Variants in EBF1 observed in about 807,000 individuals in gnomAD.
The protein encoded by EBF1 is transcription factor COE1.
In EBF1, 10 loss-of-function variants were observed where a neutral mutation model predicts 68.4. That is an observed-to-expected ratio of 0.15 (90% CI 0.09 to 0.25). The LOEUF (loss-of-function observed/expected upper bound fraction) is 0.25, where lower values mean the gene tolerates loss of function less well. Among genes scored for constraint, EBF1 ranks in the 10% least tolerant of loss-of-function variants. The pLI, the probability that EBF1 is intolerant of heterozygous loss-of-function variation, is 1.00. For synonymous variants in EBF1, 298 were observed against 299.8 expected (o/e 0.99, Z 0.06); for missense variants, 509 against 794.4 (o/e 0.64, Z 4.32).
intron 10 of EBF1, among the ~76,000 whole-genome samples, chr5:158,755,175 T>G (rs568699201): frequency 9.6e-4 from 140 of 146,060 alleles, no homozygotes; most frequent in Non-Finnish European, 1.9e-3. Context: ...TATTGTTTTG[T>G]TTTTTTTTCA....
chr5:158,899,519 A>G (rs574223170), intron 6 of EBF1, among the ~76,000 whole-genome samples: 1 of 152,322 alleles, frequency 6.6e-6, no homozygotes, highest in South Asian at 2.1e-4. Context: ...TGTTTCTGCA[A>G]TGGAAAAAGA....
At chr5:158,899,102 C>T (rs182510330) in intron 6 of EBF1, among the ~76,000 whole-genome samples, 2 of 152,226 alleles carry the variant, frequency 1.3e-5, no homozygotes, top group East Asian at 1.9e-4. Context: ...TGAATAATTA[C>T]GTGAAAATGA....
At chr5:158,842,073 T>C (rs10052777) in intron 6 of EBF1, among the ~76,000 whole-genome samples, 57,763 of 152,088 alleles carry the variant, frequency 0.38, 11,166 homozygotes, top group South Asian at 0.58. Flanking sequence ...GCTCTCCTTT[T>C]CCGGTACCAA....
At chr5:158,934,487 C>T (rs1252779948) in intron 6 of EBF1, among the ~76,000 whole-genome samples, 1 of 152,192 alleles carries the variant, frequency 6.6e-6, no homozygotes, top group African/African-American at 2.4e-5. Flanking sequence ...TTGGGACTGA[C>T]CTTTTTCTTC....
At chr5:158,782,911 G>A (rs562622299) in intron 9 of EBF1, among the ~76,000 whole-genome samples, 4 of 151,630 alleles carry the variant, frequency 2.6e-5, no homozygotes, top group South Asian at 4.2e-4. Flanking sequence ...TGACTAGCTC[G>A]ACACTCAGAT....
intron 4 of EBF1, among the ~76,000 whole-genome samples, chr5:159,089,978 T>C (rs1352025063): frequency 6.6e-6 from 1 of 152,000 alleles, no homozygotes; most frequent in Admixed American, 6.6e-5. Context: ...ATCAAAACTG[T>C]ACCTTGAAAA....
intron 6 of EBF1, among the ~76,000 whole-genome samples, chr5:158,855,471 A>T (rs1215707323): frequency 6.6e-6 from 1 of 152,136 alleles, no homozygotes; most frequent in African/African-American, 2.4e-5. Flanking sequence ...CACCCCAGCC[A>T]TGGGGGCTAC....
chr5:158,773,271 G>A (rs950251314), intron 10 of EBF1, among the ~76,000 whole-genome samples: 2 of 152,170 alleles, frequency 1.3e-5, no homozygotes, highest in Admixed American at 1.3e-4. Flanking sequence ...GCAAAGCAAC[G>A]TGTTATGCAT....
chr5:159,010,873 T>C (rs1764525098), intron 6 of EBF1, among the ~76,000 whole-genome samples: 1 of 152,258 alleles, frequency 6.6e-6, no homozygotes, highest in South Asian at 2.1e-4. Flanking sequence ...GGGGAAATCA[T>C]AAACAGTGTT....
intron 6 of EBF1, among the ~76,000 whole-genome samples, chr5:159,006,181 T>C (rs1178451724): frequency 6.6e-6 from 1 of 152,128 alleles, no homozygotes; most frequent in African/African-American, 2.4e-5. Flanking sequence ...GGTTTCCCCA[T>C]CAAGAGAAAA....
chr5:158,871,759 G>A (rs904885377), intron 6 of EBF1, among the ~76,000 whole-genome samples: 3 of 152,168 alleles, frequency 2.0e-5, no homozygotes, highest in African/African-American at 2.4e-5. Context: ...GCTCAATGAC[G>A]CACAGTTCAT....
At chr5:159,051,491 C>T (rs942431750) in intron 6 of EBF1, among the ~76,000 whole-genome samples, 12 of 145,038 alleles carry the variant, frequency 8.3e-5, no homozygotes, top group African/African-American at 3.0e-4. Flanking sequence ...ATGTGCGACT[C>T]GTGTTTCGGC....
intron 10 of EBF1, among the ~76,000 whole-genome samples, chr5:158,743,251 T>C (rs934368337): frequency 3.3e-5 from 5 of 152,116 alleles, no homozygotes; most frequent in African/African-American, 9.7e-5. Flanking sequence ...GAAAGATAAA[T>C]AGGATTTTTC....
chr5:158,714,077 A>G, intron 12 of EBF1, 40 bp downstream of exon 12: 1 of 1,602,444 alleles, frequency 6.2e-7, no homozygotes, highest in Non-Finnish European at 8.5e-7. Flanking sequence ...CTTTAATTGC[A>G]TGTGGCAGTC....
At chr5:158,971,300 T>A (rs1351668024) in intron 6 of EBF1, among the ~76,000 whole-genome samples, 1 of 152,186 alleles carries the variant, frequency 6.6e-6, no homozygotes, top group Non-Finnish European at 1.5e-5. Context: ...GAAAATAGCC[T>A]GTCCAGGGAG....
At chr5:158,993,302 C>G (rs1276269355) in intron 6 of EBF1, among the ~76,000 whole-genome samples, 2 of 152,116 alleles carry the variant, frequency 1.3e-5, no homozygotes, top group Non-Finnish European at 2.9e-5. Context: ...CCCACCTCAG[C>G]CTCCCAAAGT....
intron 10 of EBF1, among the ~76,000 whole-genome samples, chr5:158,739,247 GA>G (rs1765808601): frequency 6.6e-6 from 1 of 152,212 alleles, no homozygotes. Context: ...TTCATGAACA[GA>G]CCCCTTTCTT....
At chr5:158,781,970 G>C (rs1476270925) in intron 9 of EBF1, among the ~76,000 whole-genome samples, 1 of 152,160 alleles carries the variant, frequency 6.6e-6, no homozygotes, top group East Asian at 1.9e-4. Context: ...TTTAGGGTTC[G>C]CCAAGGCCTG....
rs149747827 is a variant in EBF1, at chr5:158,936,998, G to A, written c.555-96888C>T. Among the ~76,000 whole-genome samples, 673 of 152,028 alleles carry A rather than the reference G, an allele frequency of 4.4e-3. 5 individuals carry two copies. Among genetic ancestry groups the A allele is most frequent in the Middle Eastern group, 0.014 (4 of 294 alleles). ...GAGAGGGTCATGGAGGAGGGCAACCGAAAGCTTGGCTTGGAGAATAGGCTG... is the reference window on the plus strand; with the variant it reads ...GAGAGGGTCATGGAGGAGGGCAACCAAAAGCTTGGCTTGGAGAATAGGCTG... On this transcript the variant is annotated intron_variant, in intron 6 of 15. Transcript: ENST00000313708.
Sources: allele counts gnomAD v4.1 joint callset (sites outside exome capture counted in the v4.1 genomes callset), GRCh38; gene constraint gnomAD v4.1.1; transcripts MANE v1.5; gene names NCBI Gene and HGNC (gene_info 2026-07-23, HGNC 2026-07-21).